EHBP1: variants seen among roughly 807,000 people sequenced by gnomAD.
EHBP1 encodes EH domain-binding protein 1.
EHBP1 carries 55 observed loss-of-function variants against 144.0 expected under a neutral mutation model. That is an observed-to-expected ratio of 0.38 (90% CI 0.31 to 0.48). The LOEUF is 0.48. EHBP1 is among the 20% of genes least tolerant of loss of function. The pLI is 0.98. For missense variants in EHBP1, 1,200 were observed against 1,364.2 expected (o/e 0.88, Z 1.90); for synonymous variants, 469 against 472.7 (o/e 0.99, Z 0.10).
intron 9 of EHBP1, among the ~76,000 whole-genome samples, chr2:62,873,673 A>G (rs2152842522): frequency 6.6e-6 from 1 of 152,256 alleles, no homozygotes; most frequent in South Asian, 2.1e-4. Context: ...GGGTGTCAAA[A>G]TTGCTCAAAC....
chr2:62,927,634 C>T (rs1360139044), intron 10 of EHBP1, among the ~76,000 whole-genome samples: 2 of 152,092 alleles, frequency 1.3e-5, no homozygotes, highest in East Asian at 1.9e-4. Context: ...TGGCCAGAAT[C>T]GGAAGTAGAC....
chr2:62,976,694 G>A (rs1048543456), intron 14 of EHBP1, among the ~76,000 whole-genome samples: 6 of 151,966 alleles, frequency 3.9e-5, no homozygotes, highest in Non-Finnish European at 7.4e-5. Flanking sequence ...ATGCTTTCAT[G>A]GATTCCTATA....
At chr2:62,688,077 A>G (rs2033778019) in intron 1 of EHBP1, among the ~76,000 whole-genome samples, 1 of 152,164 alleles carries the variant, frequency 6.6e-6, no homozygotes, top group Admixed American at 6.5e-5. Flanking sequence ...AAAGTGATAT[A>G]TCCAGTAGTA....
chr2:62,942,370 T>C (rs2056808766), intron 10 of EHBP1, among the ~76,000 whole-genome samples: 1 of 152,216 alleles, frequency 6.6e-6, no homozygotes, highest in Admixed American at 6.5e-5. Context: ...TGTACATGAT[T>C]GCATTTGGGG....
chr2:62,942,577 G>A (rs2056822844), intron 10 of EHBP1, 141 bp from the exon 11 acceptor site: 1 of 621,812 alleles, frequency 1.6e-6, no homozygotes, highest in Non-Finnish European at 2.5e-6. Flanking sequence ...CCTCTTGGAG[G>A]TTACAGTTGT....
chr2:62,960,006 T>C (rs1336120124), intron 14 of EHBP1, among the ~76,000 whole-genome samples: 1 of 152,134 alleles, frequency 6.6e-6, no homozygotes, highest in Non-Finnish European at 1.5e-5. Context: ...TATTTAGTTC[T>C]GGGTGAGAGA....
At chr2:62,946,326 A>AT (rs531509156) in intron 12 of EHBP1, among the ~76,000 whole-genome samples, 2 of 152,072 alleles carry the variant, frequency 1.3e-5, no homozygotes, top group African/African-American at 2.4e-5. Context: ...TCCCATTAAA[A>AT]TTTTTTTTCA....
At chr2:62,779,975 A>G (rs1477143122) in intron 5 of EHBP1, among the ~76,000 whole-genome samples, 1 of 152,132 alleles carries the variant, frequency 6.6e-6, no homozygotes, top group Admixed American at 6.6e-5. Context: ...TACATTTCAG[A>G]TATTATATCA....
chr2:63,011,489 T>A (rs943753375), intron 19 of EHBP1, among the ~76,000 whole-genome samples: 4 of 151,954 alleles, frequency 2.6e-5, no homozygotes, highest in Admixed American at 2.0e-4. Context: ...CCAAGTGTAA[T>A]GTGCTTTAAA....
chr2:62,873,456 A>C (rs2050642672), intron 9 of EHBP1, among the ~76,000 whole-genome samples: 1 of 152,186 alleles, frequency 6.6e-6, no homozygotes. Context: ...ATAAAGATTT[A>C]TAAAAATGGA....
Position 62,942,383 on chromosome 2 carries a change from A to G in EHBP1, c.1186-335A>G, listed in dbSNP as rs575542179. Reference sequence around the variant, plus strand: ...TTTGTACATGATTGCATTTGGGGGAAATTTTGAGGGTGTGAGAATTACATA... The same window carrying G: ...TTTGTACATGATTGCATTTGGGGGAGATTTTGAGGGTGTGAGAATTACATA... On this transcript the variant is annotated intron_variant, in intron 10 of 22. Coordinates refer to ENST00000431489, the MANE Select transcript of EHBP1 (RefSeq NM_001142616.3). Among the ~76,000 whole-genome samples the G allele has an allele frequency of 3.3e-5, 5 of 152,286 alleles. No individual in the cohort carries two copies. In the South Asian group the frequency reaches 8.3e-4, roughly 25 times the overall value.
At chr2:63,022,926 CA>C (rs1416844807) in intron 19 of EHBP1, among the ~76,000 whole-genome samples, 20 of 152,180 alleles carry the variant, frequency 1.3e-4, no homozygotes, top group African/African-American at 4.6e-4. Context: ...GTAATCCTAG[CA>C]TTTTGGGAGG....
chr2:63,002,306 T>C (rs2059881495), intron 19 of EHBP1, among the ~76,000 whole-genome samples: 1 of 152,174 alleles, frequency 6.6e-6, no homozygotes, highest in Admixed American at 6.6e-5. Context: ...GGTAGTTATT[T>C]TTATATTAGC....
At chr2:62,875,025 G>A (rs535605969) in intron 10 of EHBP1, among the ~76,000 whole-genome samples, 3 of 151,716 alleles carry the variant, frequency 2.0e-5, no homozygotes, top group African/African-American at 7.3e-5. Flanking sequence ...CTGCCACCCC[G>A]CCATTGCTGG....
upstream of EHBP1, among the ~76,000 whole-genome samples, chr2:62,703,550 C>G (rs2034340190): frequency 6.6e-6 from 1 of 152,150 alleles, no homozygotes. Flanking sequence ...AGAACAGGGT[C>G]AAGAGCTGTT....
intron 18 of EHBP1, among the ~76,000 whole-genome samples, 160 bp from the exon 19 acceptor site, chr2:62,996,483 T>C (rs573079326): frequency 2.0e-5 from 3 of 152,288 alleles, no homozygotes; most frequent in South Asian, 2.1e-4. Flanking sequence ...GTAATACATA[T>C]GAAAATTTTT....
At chr2:62,702,164 T>C (rs548861689), upstream of EHBP1, among the ~76,000 whole-genome samples, 5 of 152,368 alleles carry the variant, frequency 3.3e-5, no homozygotes, top group African/African-American at 1.2e-4. Flanking sequence ...AAAATTGTCA[T>C]GGCAGAGAAG....
At chr2:62,994,635 T>C (rs1221054293) in intron 18 of EHBP1, among the ~76,000 whole-genome samples, 7 of 152,102 alleles carry the variant, frequency 4.6e-5, no homozygotes, top group African/African-American at 1.7e-4. Context: ...GAAGCATAGC[T>C]CTCTTTAATA....
At chr2:62,849,622 T>C (rs1396869381) in intron 7 of EHBP1, among the ~76,000 whole-genome samples, 1 of 152,192 alleles carries the variant, frequency 6.6e-6, no homozygotes, top group African/African-American at 2.4e-5. Flanking sequence ...AAACAGTGTA[T>C]CTATAATGTA....
Sources: gnomAD v4.1 joint callset for allele counts (sites outside exome capture counted in the v4.1 genomes callset) on GRCh38, gnomAD v4.1.1 for gene constraint, MANE v1.5 for transcripts, NCBI Gene and HGNC (gene_info 2026-07-23, HGNC 2026-07-21) for gene names.